MYO5B: variants seen among roughly 807,000 people sequenced by gnomAD.
The protein encoded by MYO5B is myosin VB.
MYO5B carries 143 observed loss-of-function variants against 229.3 expected under a neutral mutation model. That is an observed-to-expected ratio of 0.62 (90% CI 0.54 to 0.72). The LOEUF is 0.72. Among genes scored for constraint, MYO5B ranks in the 30% least tolerant of loss-of-function variants. The pLI, the probability that MYO5B is intolerant of heterozygous loss-of-function variation, is 0.00. For synonymous variants in MYO5B, 918 were observed against 885.2 expected (o/e 1.04, Z -0.66); for missense variants, 2,321 against 2,331.0 (o/e 1.00, Z 0.09).
chr18:50,118,300 T>C (rs1186158994), intron 1 of MYO5B, among the ~76,000 whole-genome samples: 3 of 152,142 alleles, frequency 2.0e-5, no homozygotes, highest in African/African-American at 7.2e-5. Flanking sequence ...AAAACAAATC[T>C]TAGATAGGAC....
intron 1 of MYO5B, among the ~76,000 whole-genome samples, chr18:50,181,053 G>A (rs117493061): frequency 0.011 from 1,631 of 152,298 alleles, 12 homozygotes; most frequent in South Asian, 0.039. Context: ...AGTAAAAAGA[G>A]TATTCACCAT....
chr18:50,096,193 T>C (rs2031546610), intron 1 of MYO5B, among the ~76,000 whole-genome samples: 2 of 152,144 alleles, frequency 1.3e-5, no homozygotes, highest in Non-Finnish European at 2.9e-5. Flanking sequence ...TTGGCCATTT[T>C]TGACCTAAAG....
intron 1 of MYO5B, among the ~76,000 whole-genome samples, chr18:50,081,274 C>T (rs562907574): frequency 6.6e-6 from 1 of 152,308 alleles, no homozygotes; most frequent in Admixed American, 6.5e-5. Flanking sequence ...CCAAAGATGA[C>T]CTGTTCCCAG....
At chr18:49,991,458 G>A (rs1203503433) in intron 6 of MYO5B, among the ~76,000 whole-genome samples, 1 of 152,134 alleles carries the variant, frequency 6.6e-6, no homozygotes, top group African/African-American at 2.4e-5. Flanking sequence ...GCTGGAGGAG[G>A]ACTTCTATCG....
chr18:50,116,047 AC>A (rs1054745487), intron 1 of MYO5B, among the ~76,000 whole-genome samples: 4 of 152,296 alleles, frequency 2.6e-5, no homozygotes, highest in African/African-American at 9.6e-5. Flanking sequence ...GGTGTAAGAC[AC>A]TAACCAAAAT....
At chr18:50,032,999 T>G (rs986018735) in intron 4 of MYO5B, among the ~76,000 whole-genome samples, 7 of 151,386 alleles carry the variant, frequency 4.6e-5, no homozygotes, top group Non-Finnish European at 8.8e-5. Context: ...AAAAAAAAAA[T>G]GTGTTTTCAT....
intron 1 of MYO5B, among the ~76,000 whole-genome samples, chr18:50,183,760 G>A (rs1282064850): frequency 1.3e-5 from 2 of 152,092 alleles, no homozygotes; most frequent in Admixed American, 6.5e-5. Flanking sequence ...GCGGGGCCTA[G>A]TGGGATGTGT....
intron 1 of MYO5B, among the ~76,000 whole-genome samples, chr18:50,077,645 A>G (rs2031120053): frequency 6.6e-6 from 1 of 152,174 alleles, no homozygotes; most frequent in African/African-American, 2.4e-5. Context: ...AATCTGTTTA[A>G]TCAGAATTTC....
At chr18:50,138,556 G>C (rs1488625867) in intron 1 of MYO5B, among the ~76,000 whole-genome samples, 1 of 152,020 alleles carries the variant, frequency 6.6e-6, no homozygotes, top group East Asian at 1.9e-4. Flanking sequence ...TTTAGGAGGA[G>C]GATAGAAGCC....
intron 1 of MYO5B, among the ~76,000 whole-genome samples, chr18:50,159,848 G>A (rs2032738623): frequency 6.6e-6 from 1 of 152,158 alleles, no homozygotes; most frequent in South Asian, 2.1e-4. Flanking sequence ...ATTCCGTGTG[G>A]CACTGCCTGT....
At chr18:49,951,457 G>A (rs1787287) in intron 14 of MYO5B, among the ~76,000 whole-genome samples, 35,151 of 151,880 alleles carry the variant, frequency 0.23, 5,802 homozygotes, top group African/African-American at 0.47. Context: ...TACATGTGTC[G>A]GTTACCACTA....
rs1467563493 is a variant in MYO5B at position 49,824,970 on chromosome 18, G to A, written c.*1501C>T. On this transcript the variant is annotated 3_prime_UTR_variant, in exon 40 of 40. Coordinates refer to ENST00000285039, the MANE Select transcript of MYO5B (RefSeq NM_001080467.3). ...TGTGCTCTAAGGGCACAGTGCAGAA[G>A]GTAGCGTGGAGTGTGCTGTGTTTCC... 1 of 152,272 alleles carries A rather than the reference G, an allele frequency of 6.6e-6. No homozygotes were observed. Among genetic ancestry groups the A allele is most frequent in the African/African-American group, 2.4e-5 (1 of 41,468 alleles). 9.4% of individuals were successfully genotyped at this position (152,272 alleles called of 1,614,324 possible).
intron 34 of MYO5B, among the ~76,000 whole-genome samples, chr18:49,841,943 T>C (rs1172857352): frequency 6.6e-6 from 1 of 152,150 alleles, no homozygotes; most frequent in African/African-American, 2.4e-5. Context: ...AGAAAATGGC[T>C]ACAAACCCTA....
rs529579205 is a variant in MYO5B at position 49,942,807 on chromosome 18, C to T, written c.1753-5410G>A. Among the ~76,000 whole-genome samples the T allele has an allele frequency of 3.3e-5, 5 of 152,194 alleles. No homozygotes were observed. In the South Asian group the frequency reaches 1.0e-3, roughly 32 times the overall value. On this transcript the variant is annotated intron_variant, in intron 14 of 39. Coordinates refer to ENST00000285039, the MANE Select transcript of MYO5B (RefSeq NM_001080467.3). Reference sequence around the variant, plus strand: ...TCAACCATTGTGGAAGTTGGTGTGGCGATTCCTCAGGGATCTAGAACTAGA... The same window carrying T: ...TCAACCATTGTGGAAGTTGGTGTGGTGATTCCTCAGGGATCTAGAACTAGA...
rs538422927 is a variant in MYO5B, at chr18:49,831,489, T to C, written c.5394+3855A>G. 3.9e-5 allele frequency among the ~76,000 whole-genome samples: 6 copies of C among 152,286 alleles called. No individual in the cohort carries two copies. The South Asian group carries it at 1.2e-3, about 32-fold the overall frequency. On this transcript the variant is annotated intron_variant, in intron 39 of 39. Transcript: ENST00000285039. ...TAGATATTTCTCCAGAGAAGATATA[T>C]ACATGGCCAATAGGCACACGAAAAG...
chr18:49,859,169 C>A (rs964632888), intron 29 of MYO5B, among the ~76,000 whole-genome samples: 1 of 152,186 alleles, frequency 6.6e-6, no homozygotes, highest in African/African-American at 2.4e-5. Context: ...GAGCCCGTGG[C>A]CCGGGCTAAT....
chr18:50,046,942 G>A lies in MYO5B; in HGVS notation c.139-6628C>T, dbSNP rs562090544. 5.3e-5 allele frequency among the ~76,000 whole-genome samples: 8 copies of A among 152,258 alleles called. No homozygotes were observed. The South Asian group carries it at 1.7e-3, about 32-fold the overall frequency. ...ACACCTTATACAAAAATTCATTCAAGATGGATTAAAGACTTACATGTTAGA... is the reference window on the plus strand; with the variant it reads ...ACACCTTATACAAAAATTCATTCAAAATGGATTAAAGACTTACATGTTAGA... On this transcript the variant is annotated intron_variant, in intron 2 of 39. Transcript: ENST00000285039.
intron 10 of MYO5B, among the ~76,000 whole-genome samples, chr18:49,973,330 C>T (rs148570736): frequency 7.2e-5 from 11 of 152,308 alleles, no homozygotes; most frequent in East Asian, 5.8e-4. Context: ...CCGCATGCCA[C>T]GTGGGGAAGT....
At chr18:50,180,777 T>C (rs1346988164) in intron 1 of MYO5B, among the ~76,000 whole-genome samples, 3 of 152,234 alleles carry the variant, frequency 2.0e-5, no homozygotes, top group African/African-American at 7.2e-5. Context: ...CACTTATCTT[T>C]GGGTAACTGT....
Sources: allele counts gnomAD v4.1 joint callset (sites outside exome capture counted in the v4.1 genomes callset), GRCh38; gene constraint gnomAD v4.1.1; transcripts MANE v1.5; gene names NCBI Gene and HGNC (gene_info 2026-07-23, HGNC 2026-07-21).